TMC5: variants seen among roughly 807,000 people sequenced by gnomAD.
TMC5 encodes transmembrane channel-like protein 5.
A neutral mutation model predicts 110.5 loss-of-function variants in TMC5; 86 were observed. That is an observed-to-expected ratio of 0.78 (90% CI 0.65 to 0.93). TMC5 has a LOEUF of 0.93. TMC5 is among the 40% of genes least tolerant of loss of function. The probability of loss-of-function intolerance (pLI) is 0.00; values close to 1 mark genes in which losing one functional copy is unlikely to be tolerated. For missense variants in TMC5, 1,144 were observed against 1,222.8 expected (o/e 0.94, Z 0.96); for synonymous variants, 455 against 439.5 (o/e 1.04, Z -0.44).
intron 4 of TMC5, among the ~76,000 whole-genome samples, chr16:19,448,120 C>A (rs1039545520): frequency 7.5e-5 from 11 of 146,968 alleles, no homozygotes; most frequent in African/African-American, 2.0e-4. Context: ...TGCGTCACTG[C>A]ACTCCAGCCT....
intron 11 of TMC5, among the ~76,000 whole-genome samples, chr16:19,472,473 A>G (rs1456514127): frequency 6.6e-6 from 1 of 151,986 alleles, no homozygotes; most frequent in African/African-American, 2.4e-5. Context: ...GGAGTTCGAG[A>G]CCAGCCTGGG....
intron 5 of TMC5, chr16:19,457,097 A>G: frequency 7.9e-7 from 1 of 1,269,902 alleles, no homozygotes; most frequent in South Asian, 1.5e-5. Flanking sequence ...TACTTTTTAG[A>G]TATCAAGTGG....
chr16:19,445,018 A>G (rs1967581495), intron 4 of TMC5, among the ~76,000 whole-genome samples: 1 of 152,248 alleles, frequency 6.6e-6, no homozygotes, highest in East Asian at 1.9e-4. Flanking sequence ...GTAATGCCAT[A>G]CTCGGGAGGC....
At chr16:19,465,777 A>C (rs1968172298) in intron 8 of TMC5, among the ~76,000 whole-genome samples, 1 of 152,190 alleles carries the variant, frequency 6.6e-6, no homozygotes, top group Non-Finnish European at 1.5e-5. Context: ...CTGGTGACAG[A>C]GGCACATAAT....
chr16:19,420,165 G>T (rs920567929), intron 1 of TMC5, among the ~76,000 whole-genome samples: 1 of 152,024 alleles, frequency 6.6e-6, no homozygotes, highest in Non-Finnish European at 1.5e-5. Flanking sequence ...GGTGGGTCAC[G>T]TCTGTAATCC....
intron 4 of TMC5, among the ~76,000 whole-genome samples, chr16:19,448,719 T>TA (rs1967677455): frequency 6.8e-6 from 1 of 146,088 alleles, no homozygotes; most frequent in African/African-American, 2.5e-5. Flanking sequence ...TATATTATAT[T>TA]TATTTTTATA....
rs61737711 is a variant in TMC5, at chr16:19,456,785, T to C, written c.1049-3450T>C. 1.3e-3 allele frequency: 2,099 copies of C among 1,614,128 alleles called. 24 individuals are homozygous for C. The African/African-American group carries it at 0.023, about 18-fold the overall frequency. On this transcript the variant is annotated intron_variant, in intron 5 of 21. Coordinates refer to ENST00000542583, the MANE Select transcript of TMC5 (RefSeq NM_001261841.2). ...CTCTGGGGTCCAAAGCCACCCATCC[T>C]CAAATCAGATTTTTCAAGAAAAGGT...
Position 19,462,399 on chromosome 16 carries a change from T to C in TMC5, c.1149-881T>C. On this transcript the variant is annotated intron_variant, in intron 6 of 21. Coordinates refer to ENST00000542583, the MANE Select transcript of TMC5 (RefSeq NM_001261841.2). ...TGTGTGGGGGCAAAATCCCCCTAGG[T>C]TGAGAATGTGTATTAGTCTGCTCTC... The C allele has an allele frequency of 6.6e-6, 4 of 605,976 alleles. No individual in the cohort carries two copies. In the South Asian group the frequency reaches 7.6e-5, roughly 12 times the overall value. The allele number at this position is 605,976 out of a possible 1,614,324, so 37.5% of individuals were successfully genotyped here.
At chr16:19,439,787 C>T (rs1258215585) in intron 2 of TMC5, among the ~76,000 whole-genome samples, 173 bp from the exon 3 acceptor site, 1 of 152,146 alleles carries the variant, frequency 6.6e-6, no homozygotes, top group African/African-American at 2.4e-5. Context: ...TCCCATTGAC[C>T]ATCCTCATGT....
chr16:19,477,580 C>G (rs1968520038), intron 13 of TMC5, 62 bp downstream of exon 13: 1 of 1,164,382 alleles, frequency 8.6e-7, no homozygotes, highest in African/African-American at 1.5e-5. Flanking sequence ...ACAGGGAGGA[C>G]AGGGGTTTCT....
chr16:19,438,155 G>A (rs1008806252), intron 2 of TMC5, among the ~76,000 whole-genome samples: 1 of 152,024 alleles, frequency 6.6e-6, no homozygotes, highest in Admixed American at 6.6e-5. Context: ...ACTTTGGGAG[G>A]CTGAGGCAGG....
chr16:19,453,578 G>A (rs1379449824), intron 5 of TMC5, among the ~76,000 whole-genome samples: 5 of 150,048 alleles, frequency 3.3e-5, no homozygotes, highest in African/African-American at 1.2e-4. Context: ...AACAGAATGA[G>A]ACTCTGTCTC....
intron 16 of TMC5, 67 bp from the exon 17 acceptor site, chr16:19,487,126 G>C (rs969338606): frequency 9.3e-6 from 15 of 1,604,828 alleles, no homozygotes; most frequent in African/African-American, 2.7e-5. Flanking sequence ...AGGAAGCCAG[G>C]CCTGGCTGGG....
At chr16:19,467,860 G>A (rs1262221303) in intron 9 of TMC5, among the ~76,000 whole-genome samples, 1 of 152,086 alleles carries the variant, frequency 6.6e-6, no homozygotes, top group Non-Finnish European at 1.5e-5. Flanking sequence ...TTCAACATAC[G>A]AATTTTGGGA....
Position 19,466,151 on chromosome 16 carries a change from G to A in TMC5, c.1555G>A (p.Gly519Arg), listed in dbSNP as rs760586337. ...TTCCACCATCCAGCACGGGAACAGC[G>A]GGGCATCCTACAACATGCAGCTGGC... is the stretch of plus-strand genomic sequence containing the variant. Reference protein sequence around the residue: ...TNSTIQHGNSGASYNMQLAYI... With the variant: ...TNSTIQHGNSRASYNMQLAYI... The change falls in exon 9 of 22, where the codon GGG (glycine) becomes AGG (arginine). Residue 519 changes from glycine (G) to arginine (R), a missense_variant. Physicochemically the swap from Gly to Arg is moderately radical, Grantham distance 125. Transcript: ENST00000542583. 1.8e-5 allele frequency: 29 copies of A among 1,613,948 alleles called. No individual in the cohort carries two copies. The highest frequency in any genetic ancestry group is 1.6e-4 in the Middle Eastern group (1 of 6,084).
intron 14 of TMC5, among the ~76,000 whole-genome samples, chr16:19,480,449 C>T (rs1430827404): frequency 2.0e-5 from 3 of 152,014 alleles, no homozygotes; most frequent in Non-Finnish European, 4.4e-5. Flanking sequence ...GCCAAATTTC[C>T]TCATTCATTT....
At chr16:19,438,088 A>G (rs1967387728) in intron 2 of TMC5, among the ~76,000 whole-genome samples, 4 of 152,246 alleles carry the variant, frequency 2.6e-5, no homozygotes, top group Admixed American at 2.0e-4. Flanking sequence ...GGTATCCAAC[A>G]CACTTAGAAA....
intron 2 of TMC5, among the ~76,000 whole-genome samples, chr16:19,439,013 A>C (rs1033421185): frequency 6.6e-6 from 1 of 152,242 alleles, no homozygotes; most frequent in Non-Finnish European, 1.5e-5. Context: ...GATTGGTTAC[A>C]GCTCAGCATT....
intron 5 of TMC5, among the ~76,000 whole-genome samples, chr16:19,459,834 C>T (rs1967974534): frequency 1.4e-5 from 2 of 143,238 alleles, no homozygotes; most frequent in Non-Finnish European, 3.0e-5. Flanking sequence ...GGGAGGATCG[C>T]TTAAGTCCAG....
Sources: gnomAD v4.1 joint callset for allele counts (sites outside exome capture counted in the v4.1 genomes callset) on GRCh38, gnomAD v4.1.1 for gene constraint, MANE v1.5 for transcripts, NCBI Gene and HGNC (gene_info 2026-07-23, HGNC 2026-07-21) for gene names.